GNB4: variants seen among roughly 807,000 people sequenced by gnomAD.
GNB4 encodes G protein subunit beta 4, also known as guanine nucleotide-binding protein subunit beta-4.
A neutral mutation model predicts 45.2 loss-of-function variants in GNB4; 28 were observed. That is an observed-to-expected ratio of 0.62 (90% CI 0.46 to 0.85). GNB4 has a LOEUF of 0.85. GNB4 is among the 40% of genes least tolerant of loss of function. GNB4 has a pLI of 0.00. For synonymous variants in GNB4, 132 were observed against 143.7 expected, an observed-to-expected ratio of 0.92 and a Z score of 0.58; for missense variants, 321 against 425.4, an observed-to-expected ratio of 0.75 and a Z score of 2.16.
chr3:179,446,963 A>C (rs2108622680), intron 1 of GNB4, among the ~76,000 whole-genome samples: 1 of 152,246 alleles, frequency 6.6e-6, no homozygotes, highest in South Asian at 2.1e-4. Flanking sequence ...ACAAAACAAA[A>C]CTTCCTATTG....
the GNB4 span, among the ~76,000 whole-genome samples, chr3:179,509,758 GC>G: frequency 6.6e-6 from 1 of 151,272 alleles, no homozygotes; most frequent in South Asian, 2.1e-4. Flanking sequence ...ATCTGTCCCT[GC>G]AGATGTGTTT....
chr3:179,510,279 G>A, the GNB4 span, among the ~76,000 whole-genome samples: 1 of 152,144 alleles, frequency 6.6e-6, no homozygotes, highest in African/African-American at 2.4e-5. Flanking sequence ...GCCACTGTCA[G>A]TACTGAATTT....
At chr3:179,517,696 A>G in the GNB4 span, among the ~76,000 whole-genome samples, 1 of 148,256 alleles carries the variant, frequency 6.7e-6, no homozygotes, top group Non-Finnish European at 1.5e-5. Flanking sequence ...TCTCCTTTCA[A>G]TCTTGGTGCC....
intron 1 of GNB4, among the ~76,000 whole-genome samples, chr3:179,435,298 T>C (rs904365449): frequency 2.0e-5 from 3 of 152,158 alleles, no homozygotes; most frequent in African/African-American, 7.2e-5. Context: ...ATTATCCTTG[T>C]ACTTAATTAT....
the GNB4 span, among the ~76,000 whole-genome samples, chr3:179,463,856 T>C: frequency 6.6e-6 from 1 of 152,142 alleles, no homozygotes; most frequent in East Asian, 1.9e-4. Context: ...TGTTGTCTCC[T>C]AATAGTCAAA....
intron 8 of GNB4, among the ~76,000 whole-genome samples, chr3:179,407,210 G>T (rs963471793): frequency 3.9e-5 from 6 of 152,162 alleles, no homozygotes; most frequent in African/African-American, 1.4e-4. Context: ...CTGTAATCGA[G>T]CACTTTGGGA....
intron 1 of GNB4, among the ~76,000 whole-genome samples, chr3:179,433,190 T>C (rs1199941587): frequency 6.6e-6 from 1 of 151,990 alleles, no homozygotes; most frequent in Non-Finnish European, 1.5e-5. Context: ...TGAGTGGGAC[T>C]TCTCCCAATA....
chr3:179,518,825 G>A, the GNB4 span, among the ~76,000 whole-genome samples: 2 of 152,202 alleles, frequency 1.3e-5, no homozygotes, highest in African/African-American at 4.8e-5. Flanking sequence ...CCTAGACCCT[G>A]AAAGGTCAGA....
rs1156260764 is a variant in GNB4, at chr3:179,413,782, C to T, written c.431-1G>A. 1 of 1,613,536 alleles carries T rather than the reference C, an allele frequency of 6.2e-7. No individual in the cohort carries two copies. The highest frequency in any genetic ancestry group is 8.5e-7 in the Non-Finnish European group (1 of 1,179,640). On this transcript the variant is annotated splice_acceptor_variant, in intron 6 of 9. Coordinates refer to ENST00000232564, the MANE Select transcript of GNB4 (RefSeq NM_021629.4). LOFTEE classifies it high-confidence loss of function. The stretch of plus-strand genomic sequence containing the variant: ...AAAAAACGACAGCAGGACAAGTACC[C>T]TACAGCATAAAGAGTAGCAAATTTT...
intron 4 of GNB4, among the ~76,000 whole-genome samples, 183 bp downstream of exon 4, chr3:179,419,216 T>C (rs1223563504): frequency 6.6e-6 from 1 of 152,248 alleles, no homozygotes; most frequent in African/African-American, 2.4e-5. Flanking sequence ...ATATTAAAAA[T>C]GTTTATACTT....
intron 1 of GNB4, among the ~76,000 whole-genome samples, chr3:179,442,820 G>C (rs1158641311): frequency 6.6e-6 from 1 of 151,924 alleles, no homozygotes; most frequent in Non-Finnish European, 1.5e-5. Context: ...TTAGAGGTGG[G>C]GTCCTTACTA....
rs77239947 is a variant in GNB4 at position 179,443,851 on chromosome 3, C to T, written c.-43+7495G>A. Among the ~76,000 whole-genome samples the T allele has an allele frequency of 2.7e-4, 41 of 152,190 alleles. No individual in the cohort carries two copies. The East Asian group carries it at 7.9e-3, about 29-fold the overall frequency. ...TTCTATCCCATCCCCAATTCTCTAC[C>T]CCACCACTAATGTTCTCGGAATCTA... On this transcript the variant is annotated intron_variant, in intron 1 of 9. Transcript: ENST00000232564.
chr3:179,420,281 A>T (rs1002753375), intron 3 of GNB4, among the ~76,000 whole-genome samples: 3 of 148,352 alleles, frequency 2.0e-5, no homozygotes, highest in African/African-American at 7.4e-5. Context: ...GGCAGGCACC[A>T]CCATGACCAG....
chr3:179,500,197 A>G, the GNB4 span, among the ~76,000 whole-genome samples: 3 of 152,202 alleles, frequency 2.0e-5, no homozygotes, highest in African/African-American at 4.8e-5. Context: ...GTTTTCTTCT[A>G]GGGTTTTTAT....
chr3:179,442,925 C>T (rs74866690), intron 1 of GNB4, among the ~76,000 whole-genome samples: 4,430 of 152,208 alleles, frequency 0.029, 219 homozygotes, highest in African/African-American at 0.1. Context: ...CCACCATACC[C>T]GGCAGTTTTG....
chr3:179,398,185 C>T lies in GNB4; in HGVS notation c.*3028G>A, dbSNP rs1418724492. 1 of 152,112 alleles carries T rather than the reference C, an allele frequency of 6.6e-6. No homozygotes were observed. Among genetic ancestry groups the T allele is most frequent in the Non-Finnish European group, 1.5e-5 (1 of 68,034 alleles). The allele number at this position is 152,112 out of a possible 1,614,324, so 9.4% of individuals were successfully genotyped here. A position where few individuals can be genotyped will look rare whatever the true frequency, so the allele number is the denominator to read the frequency against. On this transcript the variant is annotated 3_prime_UTR_variant, in exon 10 of 10. Coordinates refer to ENST00000232564, the MANE Select transcript of GNB4 (RefSeq NM_021629.4). ...TACAGAGTCAACAAATTAACCTTCT[C>T]AGGCACATTATGTTTAAATGTTTCT...
the GNB4 span, among the ~76,000 whole-genome samples, chr3:179,486,185 C>T: frequency 2.1e-5 from 3 of 142,422 alleles, no homozygotes; most frequent in African/African-American, 8.0e-5. Context: ...AGTGCCACTG[C>T]ACTCCAGCTT....
At chr3:179,522,838 T>C in the GNB4 span, among the ~76,000 whole-genome samples, 10 of 152,164 alleles carry the variant, frequency 6.6e-5, no homozygotes, top group African/African-American at 2.4e-4. Context: ...AAGGGCAAGT[T>C]GTTTGGACAG....
At chr3:179,455,656 G>A (rs1221662097), upstream of GNB4, among the ~76,000 whole-genome samples, 1 of 152,158 alleles carries the variant, frequency 6.6e-6, no homozygotes, top group Non-Finnish European at 1.5e-5. Context: ...AAAAACATGA[G>A]TTTAAAAATG....
Sources: gnomAD v4.1 joint callset for allele counts (sites outside exome capture counted in the v4.1 genomes callset) on GRCh38, gnomAD v4.1.1 for gene constraint, MANE v1.5 for transcripts, NCBI Gene and HGNC (gene_info 2026-07-23, HGNC 2026-07-21) for gene names.